Variants in PLCB1 observed in about 807,000 individuals in gnomAD.
The protein encoded by PLCB1 is 1-phosphatidylinositol 4,5-bisphosphate phosphodiesterase beta-1.
PLCB1 carries 46 observed loss-of-function variants against 161.8 expected under a neutral mutation model. The ratio of observed to expected loss-of-function variants is 0.28; its 90% CI spans 0.22 to 0.36. The LOEUF (loss-of-function observed/expected upper bound fraction) is 0.36. Among genes scored for constraint, PLCB1 ranks in the 10% least tolerant of loss-of-function variants. The pLI is 1.00. For missense variants in PLCB1, 1,016 were observed against 1,472.5 expected, an observed-to-expected ratio of 0.69 and a Z score of 5.07; for synonymous variants, 517 against 503.7, an observed-to-expected ratio of 1.03 and a Z score of -0.35.
chr20:8,724,769 GA>G lies in PLCB1; in HGVS notation c.1678+22del. On this transcript the variant is annotated intron_variant, in intron 16 of 31. Transcript: ENST00000338037. The stretch of plus-strand genomic sequence containing the variant: ...TTTCAAAAAGTAAGTTTTCCCTGGA[GA>G]AAAACCCCTCTTGCAGCATATAATG... 2.3e-6 allele frequency: 3 copies of G among 1,310,080 alleles called. No homozygotes were observed. Among genetic ancestry groups the G allele is most frequent in the Non-Finnish European group, 3.3e-6 (3 of 904,444 alleles). 81.2% of individuals were successfully genotyped at this position (1,310,080 alleles called of 1,614,324 possible).
At chr20:8,180,314 T>C (rs1340821992) in intron 2 of PLCB1, among the ~76,000 whole-genome samples, 1 of 152,230 alleles carries the variant, frequency 6.6e-6, no homozygotes, top group Non-Finnish European at 1.5e-5. Flanking sequence ...TATTTGATCA[T>C]GGTGGATTAG....
At chr20:8,846,976 C>T (rs1986710925) in intron 31 of PLCB1, among the ~76,000 whole-genome samples, 1 of 152,168 alleles carries the variant, frequency 6.6e-6, no homozygotes, top group Non-Finnish European at 1.5e-5. Flanking sequence ...CAAGGACTCT[C>T]AACCTAAGCT....
rs540082261 is a variant in PLCB1 at position 8,399,231 on chromosome 20, C to T, written c.246+27781C>T. On this transcript the variant is annotated intron_variant, in intron 3 of 31. Transcript: ENST00000338037. ...TTGTCCCAACACTATTTTTTTCAGA[C>T]CATCTTTTGCCCTATCCTGGTATCT... 2.1e-4 allele frequency among the ~76,000 whole-genome samples: 32 copies of T among 151,704 alleles called. No homozygotes were observed. The South Asian group carries it at 6.3e-3, about 30-fold the overall frequency.
intron 3 of PLCB1, among the ~76,000 whole-genome samples, chr20:8,539,648 CT>C (rs1985211286): frequency 4.4e-5 from 4 of 91,876 alleles, no homozygotes; most frequent in African/African-American, 1.4e-4. Flanking sequence ...TTCTTTCTTT[CT>C]TTCTTTCTTT....
intron 14 of PLCB1, among the ~76,000 whole-genome samples, chr20:8,718,451 G>C (rs1261157518): frequency 1.3e-5 from 2 of 152,172 alleles, no homozygotes; most frequent in Non-Finnish European, 2.9e-5. Flanking sequence ...TAAGGGAGAA[G>C]CTGTTTCCTT....
Position 8,722,380 on chromosome 20 carries a change from G to A in PLCB1, c.1540G>A (p.Asp514Asn), listed in dbSNP as rs757649827. Reference protein sequence around the residue: ...AGEADTESDDDDDDDDCKKSS... With the variant: ...AGEADTESDDNDDDDDCKKSS... Reference sequence around the variant, plus strand: ...AGAAGCTGATACGGAAAGTGACGACGACGATGATGATGATGACTGTAAAAA... The same window carrying A: ...AGAAGCTGATACGGAAAGTGACGACAACGATGATGATGATGACTGTAAAAA... The change falls in exon 15 of 32, where the codon GAC becomes AAC. Residue 514 changes from aspartate (D) to asparagine (N), a missense_variant. Coordinates refer to ENST00000338037, the MANE Select transcript of PLCB1 (RefSeq NM_015192.4). The A allele has an allele frequency of 1.4e-5, 23 of 1,611,452 alleles. No homozygotes were observed. The highest frequency in any genetic ancestry group is 4.5e-5 in the East Asian group (2 of 44,686).
chr20:8,181,336 T>A (rs2051842127), intron 2 of PLCB1, among the ~76,000 whole-genome samples: 1 of 151,906 alleles, frequency 6.6e-6, no homozygotes, highest in African/African-American at 2.4e-5. Flanking sequence ...TGGGGAATGC[T>A]AGGAATGTGT....
At chr20:8,180,893 A>G (rs2051833764) in intron 2 of PLCB1, among the ~76,000 whole-genome samples, 1 of 152,100 alleles carries the variant, frequency 6.6e-6, no homozygotes, top group South Asian at 2.1e-4. Flanking sequence ...TTAAATTTAA[A>G]AAAGGAATTG....
intron 3 of PLCB1, among the ~76,000 whole-genome samples, chr20:8,402,422 T>A (rs1308632547): frequency 6.6e-6 from 1 of 152,202 alleles, no homozygotes; most frequent in Non-Finnish European, 1.5e-5. Context: ...GAGTGTTACA[T>A]CACTTTGATG....
At chr20:8,442,328 T>A (rs754482186) in intron 3 of PLCB1, among the ~76,000 whole-genome samples, 7 of 152,226 alleles carry the variant, frequency 4.6e-5, no homozygotes, top group Non-Finnish European at 8.8e-5. Context: ...AGGGTGGCTC[T>A]CTGCTTCCAA....
At chr20:8,398,037 A>G (rs1047535146) in intron 3 of PLCB1, among the ~76,000 whole-genome samples, 2 of 151,580 alleles carry the variant, frequency 1.3e-5, no homozygotes, top group Non-Finnish European at 1.5e-5. Context: ...ACCATTTTCT[A>G]CCCCCCTTGC....
At chr20:8,202,475 A>G (rs1243584214) in intron 2 of PLCB1, among the ~76,000 whole-genome samples, 1 of 152,246 alleles carries the variant, frequency 6.6e-6, no homozygotes, top group Non-Finnish European at 1.5e-5. Context: ...ATGTGTACAC[A>G]CATATGTGGG....
intron 3 of PLCB1, among the ~76,000 whole-genome samples, chr20:8,568,094 G>A (rs767432157): frequency 9.9e-5 from 15 of 152,088 alleles, no homozygotes; most frequent in Non-Finnish European, 1.9e-4. Context: ...TCCTTAAAAT[G>A]GGTCATGTAT....
At chr20:8,629,786 C>CTTTCT (rs1568535732) in intron 4 of PLCB1, among the ~76,000 whole-genome samples, 6 of 86,006 alleles carry the variant, frequency 7.0e-5, no homozygotes, top group Admixed American at 3.9e-4. Flanking sequence ...TGGTTCCTTC[C>CTTTCT]TTCCTTTCTT....
chr20:8,320,798 G>GAAGAAAGAAAGA (rs143431395), intron 2 of PLCB1, among the ~76,000 whole-genome samples: 39 of 125,544 alleles, frequency 3.1e-4, no homozygotes, highest in African/African-American at 1.1e-3. Context: ...CAGAAAGAAA[G>GAAGAAAGAAAGA]AAGAAAGAAA....
At chr20:8,759,896 AT>A (rs3033840) in intron 24 of PLCB1, among the ~76,000 whole-genome samples, 77 of 78,270 alleles carry the variant, frequency 9.8e-4, no homozygotes, top group African/African-American at 3.2e-3. Flanking sequence ...ATAATATCAC[AT>A]TTTTTTTTTT....
intron 31 of PLCB1, among the ~76,000 whole-genome samples, chr20:8,817,573 T>C (rs1209589311): frequency 6.6e-6 from 1 of 152,154 alleles, no homozygotes; most frequent in East Asian, 1.9e-4. Flanking sequence ...AACAAAGAGA[T>C]TTAATTTAAA....
At chr20:8,673,431 ACTT>A (rs1479783388) in intron 9 of PLCB1, among the ~76,000 whole-genome samples, 2 of 152,146 alleles carry the variant, frequency 1.3e-5, no homozygotes, top group Non-Finnish European at 2.9e-5. Context: ...TCTGGTTAGC[ACTT>A]CTTCTAGGCA....
At chr20:8,798,004 G>A (rs576967708) in intron 31 of PLCB1, among the ~76,000 whole-genome samples, 1 of 152,074 alleles carries the variant, frequency 6.6e-6, no homozygotes, top group Non-Finnish European at 1.5e-5. Context: ...GACCAGCCTC[G>A]CCAACATGGT....
Sources: allele counts gnomAD v4.1 joint callset (sites outside exome capture counted in the v4.1 genomes callset), GRCh38; gene constraint gnomAD v4.1.1; transcripts MANE v1.5; gene names NCBI Gene and HGNC (gene_info 2026-07-23, HGNC 2026-07-21).